The following ARHGEF10 variants were observed in gnomAD, a reference collection of about 807,000 sequenced individuals.
The protein encoded by ARHGEF10 is Rho guanine nucleotide exchange factor (GEF) 10.
Under a neutral mutation model 147.4 loss-of-function variants are expected in ARHGEF10, and 140 were observed. The observed-to-expected ratio is 0.95, with a 90% CI of 0.83 to 1.09. ARHGEF10 has a LOEUF of 1.09. ARHGEF10 is among the 50% of genes least tolerant of loss of function. The probability of loss-of-function intolerance (pLI) is 0.00; values close to 1 mark genes in which losing one functional copy is unlikely to be tolerated. For synonymous variants in ARHGEF10, 902 were observed against 695.8 expected (o/e 1.30, Z -4.67); for missense variants, 2,222 against 1,752.7 (o/e 1.27, Z -4.78).
At chr8:1,908,248 T>A (rs1447013225) in intron 17 of ARHGEF10, among the ~76,000 whole-genome samples, 1 of 129,630 alleles carries the variant, frequency 7.7e-6, no homozygotes, top group Non-Finnish European at 1.6e-5. Context: ...TTTTTTTTTT[T>A]GAGAAAGAGT....
chr8:1,876,208 A>G, intron 7 of ARHGEF10: 1 of 312,342 alleles, frequency 3.2e-6, no homozygotes, highest in Non-Finnish European at 6.1e-6. Context: ...TTTTCAAAAC[A>G]TCCTGTAAGT....
intron 14 of ARHGEF10, among the ~76,000 whole-genome samples, chr8:1,898,227 C>T (rs997842307): frequency 2.0e-5 from 3 of 152,186 alleles, no homozygotes; most frequent in African/African-American, 7.2e-5. Context: ...CGTGTGAGGT[C>T]GGGCCCCTGC....
intron 2 of ARHGEF10, among the ~76,000 whole-genome samples, chr8:1,854,327 G>A (rs545599585): frequency 6.6e-6 from 1 of 152,194 alleles, no homozygotes; most frequent in South Asian, 2.1e-4. Context: ...TCTGTCCTGG[G>A]CGCCCGCCGT....
At chr8:1,889,937 T>TA (rs1325745949) in intron 11 of ARHGEF10, among the ~76,000 whole-genome samples, 2 of 127,856 alleles carry the variant, frequency 1.6e-5, no homozygotes, top group African/African-American at 6.5e-5. Context: ...GGGGCGAGGG[T>TA]TGTGAGGAGA....
chr8:1,951,931 G>GGGGTCTTCCCTGTAACCACCGTGAGGCT (rs1815087767), intron 27 of ARHGEF10, among the ~76,000 whole-genome samples: 1 of 132,258 alleles, frequency 7.6e-6, no homozygotes, highest in South Asian at 2.6e-4. Context: ...ACCGTGAGGC[G>GGGGTCTTCCCTGTAACCACCGTGAGGCT]GGGTCTTCCC....
chr8:1,906,910 G>C lies in ARHGEF10; in HGVS notation c.1967+1194G>C, dbSNP rs189971371. ...GCTACAAAATAAGTCCAAAAAATAT[G>C]TGAGTCTTTAATGACACTCCTTCTT... On this transcript the variant is annotated intron_variant, in intron 17 of 28. Transcript: ENST00000349830. Among the ~76,000 whole-genome samples, 704 of 152,294 alleles carry C rather than the reference G, an allele frequency of 4.6e-3. 4 individuals carry two copies. The highest frequency in any genetic ancestry group is 9.5e-3 in the Admixed American group (145 of 15,290).
chr8:1,896,469 A>G lies in ARHGEF10; in HGVS notation c.1557+20A>G, dbSNP rs1486141706. 1 of 1,533,946 alleles carries G rather than the reference A, an allele frequency of 6.5e-7. No homozygotes were observed. The highest frequency in any genetic ancestry group is 9.0e-7 in the Non-Finnish European group (1 of 1,109,314). On this transcript the variant is annotated intron_variant, in intron 14 of 28. Coordinates refer to ENST00000349830, the MANE Select transcript of ARHGEF10 (RefSeq NM_014629.4). Reference sequence around the variant, plus strand: ...TTAAAGGTAAGCGCTTTTTTTTTTCATTTGGGTTTTAACACCATCTGATAA... The same window carrying G: ...TTAAAGGTAAGCGCTTTTTTTTTTCGTTTGGGTTTTAACACCATCTGATAA...
At position 1,937,090 on chromosome 8, in the gene ARHGEF10, C is replaced by G. The variant is rs1813677924; in HGVS notation, c.3222+3148C>G. On this transcript the variant is annotated intron_variant, in intron 26 of 28. Transcript: ENST00000349830. This position sits in a 1 kb window ranked among gnomAD's most constrained non-coding sequence, Gnocchi z 4.9. ...ACAGCCTCCCCGACGTCCTTCGAGA[C>G]CTGGTCTGCTAGACAGGAACAGAAA... Among the ~76,000 whole-genome samples the G allele has an allele frequency of 6.6e-6, 1 of 152,170 alleles. No individual in the cohort carries two copies.
At chr8:1,825,744 C>A (rs1050779730) in intron 1 of ARHGEF10, among the ~76,000 whole-genome samples, 2 of 152,138 alleles carry the variant, frequency 1.3e-5, no homozygotes, top group African/African-American at 4.8e-5. Context: ...ATTCCAGTCA[C>A]TAACTTTGGC....
intron 12 of ARHGEF10, 78 bp from the exon 13 acceptor site, chr8:1,894,315 G>A (rs978981608): frequency 2.4e-5 from 36 of 1,503,674 alleles, no homozygotes; most frequent in Middle Eastern, 3.4e-4. Flanking sequence ...GCACCACTGC[G>A]CTGCACCCTG....
intron 18 of ARHGEF10, among the ~76,000 whole-genome samples, chr8:1,915,580 C>T (rs1811699980): frequency 6.6e-6 from 1 of 152,220 alleles, no homozygotes; most frequent in Admixed American, 6.5e-5. Context: ...AGGACAGTCC[C>T]ACAGTGGTGG....
intron 13 of ARHGEF10, among the ~76,000 whole-genome samples, chr8:1,895,337 T>C (rs1014361591): frequency 6.6e-6 from 1 of 152,228 alleles, no homozygotes; most frequent in Non-Finnish European, 1.5e-5. Flanking sequence ...TATGATGCTA[T>C]CAAAGGGATA....
At chr8:1,951,787 G>A (rs190838727) in intron 27 of ARHGEF10, among the ~76,000 whole-genome samples, 16 of 152,340 alleles carry the variant, frequency 1.1e-4, no homozygotes, top group South Asian at 2.1e-4. Context: ...CGATGCTGAC[G>A]ATTGTGTCAG....
chr8:1,889,220 G>GGTGAGGGTTGTGGGAGATACTTAGTGGT (rs56072337), intron 11 of ARHGEF10, among the ~76,000 whole-genome samples: 1 of 90,078 alleles, frequency 1.1e-5, no homozygotes, highest in African/African-American at 5.7e-5. Context: ...CACTGAATGG[G>GGTGAGGGTTGTGGGAGATACTTAGTGGT]GTGAGGGTTG....
chr8:1,888,851 T>C (rs1317139897), intron 11 of ARHGEF10, among the ~76,000 whole-genome samples: 2 of 114,746 alleles, frequency 1.7e-5, no homozygotes, highest in African/African-American at 9.2e-5. Flanking sequence ...GGGTGAGGTT[T>C]GTGAGGAGAC....
At chr8:1,908,262 GCT>G (rs1811064581) in intron 17 of ARHGEF10, among the ~76,000 whole-genome samples, 3 of 123,538 alleles carry the variant, frequency 2.4e-5, no homozygotes, top group Non-Finnish European at 4.8e-5. Flanking sequence ...AAAGAGTCTC[GCT>G]CTGTCACCCA....
intron 18 of ARHGEF10, among the ~76,000 whole-genome samples, chr8:1,919,917 ATGATGGAGCTGTTCTATGGG>A (rs1444194278): frequency 7.9e-5 from 7 of 88,244 alleles, no homozygotes; most frequent in South Asian, 3.7e-4. Context: ...TGTTCTGTGG[ATGATGGAGCTGTTCTATGGG>A]TGATGGAGCT....
At chr8:1,862,595 AG>A (rs1806222313) in intron 4 of ARHGEF10, among the ~76,000 whole-genome samples, 1 of 152,132 alleles carries the variant, frequency 6.6e-6, no homozygotes, top group Admixed American at 6.5e-5. Context: ...GAGCCCTGAG[AG>A]GGCTCATGTG....
chr8:1,862,067 G>A (rs924832111), intron 4 of ARHGEF10, among the ~76,000 whole-genome samples: 17 of 152,154 alleles, frequency 1.1e-4, no homozygotes, highest in African/African-American at 4.1e-4. Context: ...GTGGTTCTCC[G>A]GTTGCGTTTT....
Sources: gnomAD v4.1 joint callset for allele counts (sites outside exome capture counted in the v4.1 genomes callset) on GRCh38, gnomAD v4.1.1 for gene constraint, Gnocchi (gnomAD v3.1) non-coding constraint, MANE v1.5 for transcripts, NCBI Gene and HGNC (gene_info 2026-07-23, HGNC 2026-07-21) for gene names.